The following ZFAT variants were observed in gnomAD, a reference collection of about 807,000 sequenced individuals.
ZFAT encodes the protein zinc finger and AT-hook domain containing.
A neutral mutation model predicts 117.7 loss-of-function variants in ZFAT; 64 were observed. The ratio of observed to expected loss-of-function variants is 0.54; its 90% confidence interval spans 0.44 to 0.67. ZFAT has a LOEUF of 0.67. Among genes scored for constraint, ZFAT ranks in the 30% least tolerant of loss-of-function variants. ZFAT has a pLI of 0.00. For synonymous variants in ZFAT, 679 were observed against 615.0 expected (o/e 1.10, Z -1.54); for missense variants, 1,433 against 1,584.5 (o/e 0.90, Z 1.62).
At chr8:134,733,882 G>A in the ZFAT span, among the ~76,000 whole-genome samples, 1 of 152,200 alleles carries the variant, frequency 6.6e-6, no homozygotes, top group Admixed American at 6.5e-5. Flanking sequence ...GGCCACCCCA[G>A]CTCCTCAAAG....
chr8:134,746,046 A>G, the ZFAT span, among the ~76,000 whole-genome samples: 2 of 152,134 alleles, frequency 1.3e-5, no homozygotes, highest in Non-Finnish European at 2.9e-5. Flanking sequence ...AGCCCCTTCC[A>G]GGTTTCATTG....
chr8:134,625,932 G>C (rs16905202), intron 3 of ZFAT, among the ~76,000 whole-genome samples: 1 of 152,176 alleles, frequency 6.6e-6, no homozygotes, highest in South Asian at 2.1e-4. Flanking sequence ...ACTGAAAATC[G>C]CTGCACTTCA....
chr8:134,603,017 T>A, intron 5 of ZFAT, 84 bp from the exon 6 acceptor site: 2 of 1,524,326 alleles, frequency 1.3e-6, no homozygotes, highest in Non-Finnish European at 1.8e-6. Flanking sequence ...AACCAAACAC[T>A]AAAGGCTGAA....
the ZFAT span, among the ~76,000 whole-genome samples, chr8:134,757,421 G>A: frequency 6.6e-6 from 1 of 152,150 alleles, no homozygotes; most frequent in Admixed American, 6.5e-5. Flanking sequence ...GTCTAAGGCA[G>A]TTGGTAAGAG....
intron 1 of ZFAT, among the ~76,000 whole-genome samples, chr8:134,711,999 C>CA (rs999125740): frequency 6.6e-6 from 1 of 152,002 alleles, no homozygotes. Flanking sequence ...TGGACTCCAG[C>CA]AAAAAAAGCC....
chr8:134,713,325 G>A (rs930493700), upstream of ZFAT, among the ~76,000 whole-genome samples: 1 of 152,242 alleles, frequency 6.6e-6, no homozygotes, highest in African/African-American at 2.4e-5. Flanking sequence ...TGGGGCCGCC[G>A]AGCTGGGCGT....
At chr8:134,585,908 C>A (rs761564490) in intron 9 of ZFAT, among the ~76,000 whole-genome samples, 1 of 152,206 alleles carries the variant, frequency 6.6e-6, no homozygotes, top group Non-Finnish European at 1.5e-5. Flanking sequence ...CAGGTATGCA[C>A]AAAATTCTAC....
intron 8 of ZFAT, among the ~76,000 whole-genome samples, chr8:134,588,933 G>A (rs916677599): frequency 9.2e-5 from 14 of 152,162 alleles, no homozygotes; most frequent in Admixed American, 9.2e-4. Context: ...CTTATTATTT[G>A]GAGATGCATT....
intron 15 of ZFAT, among the ~76,000 whole-genome samples, chr8:134,506,717 A>G (rs1819441164): frequency 6.6e-6 from 1 of 152,248 alleles, no homozygotes; most frequent in African/African-American, 2.4e-5. Context: ...TAAATAGAGT[A>G]TATATCTATT....
rs138198039 is a variant in ZFAT at position 134,486,211 on chromosome 8, C to T, written c.3493-7490G>A. Reference sequence around the variant, plus strand: ...TGAAACAAAGCTGCCGCCAACGCAGCTGCCTTTAGATGCTGCCCACATTCC... The same window carrying T: ...TGAAACAAAGCTGCCGCCAACGCAGTTGCCTTTAGATGCTGCCCACATTCC... On this transcript the variant is annotated intron_variant, in intron 15 of 15. Transcript: ENST00000377838. 3.2e-3 allele frequency among the ~76,000 whole-genome samples: 494 copies of T among 152,362 alleles called. 3 individuals are homozygous for T. The highest frequency in any genetic ancestry group is 0.011 in the African/African-American group (444 of 41,580).
At chr8:134,732,754 G>A in the ZFAT span, among the ~76,000 whole-genome samples, 18 of 152,174 alleles carry the variant, frequency 1.2e-4, no homozygotes, top group African/African-American at 4.3e-4. Flanking sequence ...TCACATTCCG[G>A]GTAAAGCACA....
intron 2 of ZFAT, among the ~76,000 whole-genome samples, chr8:134,644,042 C>T (rs1237422576): frequency 6.6e-6 from 1 of 152,232 alleles, no homozygotes; most frequent in Non-Finnish European, 1.5e-5. Flanking sequence ...GGGAAGCCTC[C>T]TTTTACCCTC....
intron 12 of ZFAT, among the ~76,000 whole-genome samples, chr8:134,528,861 G>A (rs1821206219): frequency 1.3e-5 from 2 of 152,230 alleles, no homozygotes. Flanking sequence ...CGACTGCCTT[G>A]TTTGACACCA....
chr8:134,492,159 C>T (rs1818101637), intron 15 of ZFAT, among the ~76,000 whole-genome samples: 1 of 151,626 alleles, frequency 6.6e-6, no homozygotes, highest in Non-Finnish European at 1.5e-5. Flanking sequence ...CCACGTGCTA[C>T]GGCAAGCAAC....
At chr8:134,517,329 G>C (rs1586627321) in intron 13 of ZFAT, among the ~76,000 whole-genome samples, 1 of 151,820 alleles carries the variant, frequency 6.6e-6, no homozygotes, top group African/African-American at 2.4e-5. Flanking sequence ...TACACAGCAG[G>C]GTATTTTGAG....
intron 7 of ZFAT, chr8:134,594,791 G>C (rs1285590007): frequency 1.3e-5 from 2 of 152,178 alleles, no homozygotes; most frequent in Non-Finnish European, 2.9e-5. Flanking sequence ...GAGTCAGAAA[G>C]TAACATCAAA....
intron 10 of ZFAT, among the ~76,000 whole-genome samples, chr8:134,567,098 T>C (rs1824522365): frequency 6.6e-6 from 1 of 152,196 alleles, no homozygotes; most frequent in Admixed American, 6.5e-5. Context: ...ATCTCTTCTC[T>C]GAATCTGAGA....
At chr8:134,727,242 G>A in the ZFAT span, among the ~76,000 whole-genome samples, 4 of 152,152 alleles carry the variant, frequency 2.6e-5, no homozygotes, top group Non-Finnish European at 4.4e-5. Flanking sequence ...GCAAGTAGGC[G>A]ACATTTGAGC....
Position 134,697,822 on chromosome 8 carries a change from C to CCCAG in ZFAT, c.19+15022_19+15023insCTGG, listed in dbSNP as rs1195353760. 1.9e-4 allele frequency among the ~76,000 whole-genome samples: 29 copies of CCCAG among 150,246 alleles called. 1 individual carries two copies. The highest frequency in any genetic ancestry group is 6.3e-4 in the African/African-American group (26 of 41,278). On this transcript the variant is annotated intron_variant, in intron 1 of 15. Coordinates refer to ENST00000377838, the MANE Select transcript of ZFAT (RefSeq NM_020863.4). Reference sequence around the variant, plus strand: ...TCTTAAATCCCTGGGCTCAAGTGATCCGCCTGCCTCGGCCTCCCAAAGCGC... The same window carrying CCCAG: ...TCTTAAATCCCTGGGCTCAAGTGATCCCAGCGCCTGCCTCGGCCTCCCAAAGCGC...
Sources: allele counts gnomAD v4.1 joint callset (sites outside exome capture counted in the v4.1 genomes callset), GRCh38; gene constraint gnomAD v4.1.1; transcripts MANE v1.5; gene names NCBI Gene and HGNC (gene_info 2026-07-23, HGNC 2026-07-21).